LRMDA: variants seen among roughly 807,000 people sequenced by gnomAD.
The protein encoded by LRMDA is leucine rich melanocyte differentiation associated, also known as leucine-rich melanocyte differentiation-associated protein.
In LRMDA, 18 loss-of-function variants were observed where a neutral mutation model predicts 29.8. That is an observed-to-expected ratio of 0.60 (90% CI 0.42 to 0.90). The LOEUF (loss-of-function observed/expected upper bound fraction) is 0.90. Ranked by LOEUF, LRMDA falls within the 40% of genes least tolerant of loss-of-function variation. The pLI, the probability that LRMDA is intolerant of heterozygous loss-of-function variation, is 0.00. For missense variants in LRMDA, 273 were observed against 273.9 expected, an observed-to-expected ratio of 1.00 and a Z score of 0.02; for synonymous variants, 125 against 109.4, an observed-to-expected ratio of 1.14 and a Z score of -0.89.
chr10:75,903,165 T>C (rs2132367670), intron 2 of LRMDA, among the ~76,000 whole-genome samples: 1 of 152,332 alleles, frequency 6.6e-6, no homozygotes, highest in Middle Eastern at 3.4e-3. Flanking sequence ...ATTTAAGTCA[T>C]TGAGGGAATT....
chr10:75,776,060 A>T (rs1044653197), intron 2 of LRMDA, among the ~76,000 whole-genome samples: 1 of 152,144 alleles, frequency 6.6e-6, no homozygotes, highest in Non-Finnish European at 1.5e-5. Context: ...TTTGCTGTTG[A>T]TATTAATTAA....
At chr10:75,920,319 G>C (rs1297759547) in intron 2 of LRMDA, among the ~76,000 whole-genome samples, 1 of 152,130 alleles carries the variant, frequency 6.6e-6, no homozygotes, top group African/African-American at 2.4e-5. Context: ...TTACAGTATA[G>C]TAATGTGTAG....
intron 2 of LRMDA, among the ~76,000 whole-genome samples, chr10:75,927,836 C>T (rs1187432825): frequency 6.6e-6 from 1 of 152,180 alleles, no homozygotes; most frequent in African/African-American, 2.4e-5. Context: ...TGGAGCCCAG[C>T]AGGCCTGGGT....
intron 2 of LRMDA, 28 bp from the exon 3 acceptor site, chr10:76,035,980 A>G: frequency 1.9e-6 from 3 of 1,611,274 alleles, no homozygotes; most frequent in Non-Finnish European, 2.5e-6. Context: ...GTGCAGGATC[A>G]TTTTTCCTGT....
chr10:75,590,557 A>G (rs1309164233), intron 2 of LRMDA, among the ~76,000 whole-genome samples: 2 of 152,150 alleles, frequency 1.3e-5, no homozygotes, highest in African/African-American at 4.8e-5. Flanking sequence ...AGTGCGGGAC[A>G]TGGAAGAGGA....
At chr10:76,119,336 G>T (rs1422988410) in intron 5 of LRMDA, among the ~76,000 whole-genome samples, 1 of 152,048 alleles carries the variant, frequency 6.6e-6, no homozygotes, top group Non-Finnish European at 1.5e-5. Context: ...CTGCTGCTGA[G>T]GCTGGGGTCT....
intron 2 of LRMDA, among the ~76,000 whole-genome samples, chr10:75,454,483 G>C (rs533418772): frequency 1.3e-5 from 2 of 152,280 alleles, no homozygotes; most frequent in East Asian, 3.9e-4. Context: ...CGTTTTCCGA[G>C]TCCCAACACA....
chr10:75,518,317 G>A (rs902479035), intron 2 of LRMDA, among the ~76,000 whole-genome samples: 3 of 152,184 alleles, frequency 2.0e-5, no homozygotes, highest in Non-Finnish European at 4.4e-5. Context: ...ATTTGGCTGT[G>A]AATCCGTCTG....
chr10:76,524,478 T>C (rs1380625165), intron 6 of LRMDA, among the ~76,000 whole-genome samples: 3 of 152,226 alleles, frequency 2.0e-5, no homozygotes, highest in African/African-American at 7.2e-5. Context: ...AGTACCCAGA[T>C]CTGCCAGATA....
chr10:75,767,521 C>A (rs550236373), intron 2 of LRMDA, among the ~76,000 whole-genome samples: 1 of 152,116 alleles, frequency 6.6e-6, no homozygotes, highest in South Asian at 2.1e-4. Flanking sequence ...GATTTTTTTC[C>A]CTTGAGTGAA....
At chr10:76,096,057 G>A (rs913382142) in intron 5 of LRMDA, among the ~76,000 whole-genome samples, 1 of 151,684 alleles carries the variant, frequency 6.6e-6, no homozygotes, top group South Asian at 2.1e-4. Context: ...ACTTTATCCC[G>A]GTCTGTATCT....
chr10:76,046,769 C>T lies in LRMDA; in HGVS notation c.259-395C>T, dbSNP rs190270922. Among the ~76,000 whole-genome samples the T allele has an allele frequency of 9.8e-5, 15 of 152,336 alleles. No individual in the cohort carries two copies. The Middle Eastern group carries it at 0.01, about 104-fold the overall frequency. On this transcript the variant is annotated intron_variant, in intron 3 of 6. Coordinates refer to ENST00000611255, the MANE Select transcript of LRMDA (RefSeq NM_001305581.2). ...AACGTACTGGAATTACAGGTGTGGGCCACCATGCCCAGCCCTTGTTTTCAT... is the reference window on the plus strand; with the variant it reads ...AACGTACTGGAATTACAGGTGTGGGTCACCATGCCCAGCCCTTGTTTTCAT...
At chr10:76,196,809 T>A (rs1282774825) in intron 5 of LRMDA, among the ~76,000 whole-genome samples, 2 of 152,244 alleles carry the variant, frequency 1.3e-5, no homozygotes, top group Non-Finnish European at 2.9e-5. Context: ...AATGAGAGAA[T>A]GAATGAATGA....
chr10:76,017,760 A>G lies in LRMDA; in HGVS notation c.132-18248A>G, dbSNP rs543702903. 3.4e-4 allele frequency among the ~76,000 whole-genome samples: 52 copies of G among 152,270 alleles called. No homozygotes were observed. The South Asian group carries it at 5.8e-3, about 17-fold the overall frequency. ...GGGGCAGATCTGAAATCTCTGAGGG[A>G]CAGCCCATTTGGCATGGGGTATTTT... On this transcript the variant is annotated intron_variant, in intron 2 of 6. Coordinates refer to ENST00000611255, the MANE Select transcript of LRMDA (RefSeq NM_001305581.2).
At chr10:76,515,808 T>C (rs373380048) in intron 6 of LRMDA, among the ~76,000 whole-genome samples, 2 of 152,166 alleles carry the variant, frequency 1.3e-5, no homozygotes. Context: ...CCAGCCCCCA[T>C]CCTCTTAAAC....
At chr10:76,218,553 C>A (rs991594143) in intron 5 of LRMDA, among the ~76,000 whole-genome samples, 1 of 152,154 alleles carries the variant, frequency 6.6e-6, no homozygotes, top group Non-Finnish European at 1.5e-5. Context: ...TAGTTAGCTG[C>A]GTGCAACTTA....
intron 5 of LRMDA, among the ~76,000 whole-genome samples, chr10:76,209,662 C>T (rs960739802): frequency 6.6e-6 from 1 of 152,166 alleles, no homozygotes; most frequent in Non-Finnish European, 1.5e-5. Context: ...TAAATGACTT[C>T]TTTAAATGAT....
chr10:76,370,667 TTTA>T (rs1297604019), intron 6 of LRMDA, among the ~76,000 whole-genome samples: 3 of 152,150 alleles, frequency 2.0e-5, no homozygotes, highest in African/African-American at 4.8e-5. Flanking sequence ...ATTGTTCTAT[TTTA>T]TTATTATTAT....
At chr10:76,526,721 G>A (rs1434638266) in intron 6 of LRMDA, among the ~76,000 whole-genome samples, 1 of 151,054 alleles carries the variant, frequency 6.6e-6, no homozygotes. Flanking sequence ...TGTTACAGAA[G>A]AGTATTTATT....
Sources: allele counts gnomAD v4.1 joint callset (sites outside exome capture counted in the v4.1 genomes callset), GRCh38; gene constraint gnomAD v4.1.1; transcripts MANE v1.5; gene names NCBI Gene and HGNC (gene_info 2026-07-23, HGNC 2026-07-21).